The following EYA1 variants were observed in gnomAD, a reference collection of about 807,000 sequenced individuals.
The protein encoded by EYA1 is protein phosphatase EYA1.
EYA1 carries 16 observed loss-of-function variants against 82.0 expected under a neutral mutation model. The observed-to-expected ratio is 0.20, with a 90% CI of 0.13 to 0.30. EYA1 has a LOEUF of 0.30. Among genes scored for constraint, EYA1 ranks in the 10% least tolerant of loss-of-function variants. The pLI is 1.00. For synonymous variants in EYA1, 261 were observed against 264.4 expected (o/e 0.99, Z 0.12); for missense variants, 633 against 730.7 (o/e 0.87, Z 1.54).
At chr8:71,448,835 A>G (rs960597494) in intron 2 of EYA1, 2 of 167,726 alleles carry the variant, frequency 1.2e-5, no homozygotes, top group Non-Finnish European at 2.9e-5. Flanking sequence ...TTCCTAAGAA[A>G]CTGAACTTTT....
intron 9 of EYA1, among the ~76,000 whole-genome samples, chr8:71,283,014 T>G (rs1031456373): frequency 4.8e-5 from 7 of 146,934 alleles, no homozygotes; most frequent in Non-Finnish European, 7.4e-5. Context: ...GTGTAAGAAA[T>G]CATGCCATGC....
At chr8:71,258,044 T>C (rs1008240630) in intron 11 of EYA1, among the ~76,000 whole-genome samples, 1 of 152,174 alleles carries the variant, frequency 6.6e-6, no homozygotes, top group Non-Finnish European at 1.5e-5. Context: ...GTTATTTCTT[T>C]GGAGATTCTG....
intron 11 of EYA1, among the ~76,000 whole-genome samples, chr8:71,249,203 C>T (rs931632694): frequency 6.6e-6 from 1 of 152,070 alleles, no homozygotes; most frequent in Admixed American, 6.5e-5. Flanking sequence ...TCTATGACAG[C>T]AATCTTTTAT....
chr8:71,252,389 C>G (rs186078379), intron 11 of EYA1, among the ~76,000 whole-genome samples: 1 of 152,014 alleles, frequency 6.6e-6, no homozygotes, highest in Non-Finnish European at 1.5e-5. Context: ...CTAACACACT[C>G]AATCTCTGCA....
intron 17 of EYA1, among the ~76,000 whole-genome samples, chr8:71,201,904 A>G (rs1044216052): frequency 4.6e-5 from 7 of 152,074 alleles, no homozygotes; most frequent in African/African-American, 1.7e-4. Context: ...CCCTTCCTCA[A>G]AGTTTCTTGT....
chr8:71,485,154 A>G (rs1810466603), intron 2 of EYA1, among the ~76,000 whole-genome samples: 1 of 152,244 alleles, frequency 6.6e-6, no homozygotes, highest in Non-Finnish European at 1.5e-5. Flanking sequence ...ATAAAAGTAG[A>G]TAGGAAAATG....
intron 12 of EYA1, among the ~76,000 whole-genome samples, chr8:71,219,651 T>C (rs770386616): frequency 6.6e-6 from 1 of 152,244 alleles, no homozygotes; most frequent in Non-Finnish European, 1.5e-5. Context: ...GGAGAAACTA[T>C]AATATTGCTA....
At chr8:71,266,390 T>C (rs1815816628) in intron 11 of EYA1, among the ~76,000 whole-genome samples, 1 of 152,108 alleles carries the variant, frequency 6.6e-6, no homozygotes, top group Non-Finnish European at 1.5e-5. Context: ...GAATCCTTGT[T>C]GAATCACATT....
At chr8:71,506,126 T>C (rs1290285178) in intron 2 of EYA1, among the ~76,000 whole-genome samples, 1 of 152,172 alleles carries the variant, frequency 6.6e-6, no homozygotes, top group Non-Finnish European at 1.5e-5. Context: ...GTCTTGGGTA[T>C]TTCTTTATAG....
intron 2 of EYA1, among the ~76,000 whole-genome samples, chr8:71,375,451 A>T (rs1828320670): frequency 6.6e-6 from 1 of 152,126 alleles, no homozygotes; most frequent in Non-Finnish European, 1.5e-5. Flanking sequence ...TGGGAGTGAG[A>T]TGAAAGAAAC....
chr8:71,269,131 A>G (rs967387763), intron 11 of EYA1, among the ~76,000 whole-genome samples: 2 of 152,218 alleles, frequency 1.3e-5, no homozygotes, highest in African/African-American at 2.4e-5. Context: ...AATGTACAAC[A>G]TGGAAACCAA....
intron 2 of EYA1, among the ~76,000 whole-genome samples, chr8:71,370,418 C>T (rs1199041823): frequency 6.7e-6 from 1 of 149,160 alleles, no homozygotes; most frequent in African/African-American, 2.5e-5. Context: ...AAAAAGTAAA[C>T]AAGGCAGACA....
chr8:71,246,281 T>C (rs1042377190), intron 11 of EYA1, among the ~76,000 whole-genome samples: 2 of 152,208 alleles, frequency 1.3e-5, no homozygotes, highest in Non-Finnish European at 2.9e-5. Flanking sequence ...GGAATCTCCT[T>C]GCATCATTAT....
chr8:71,462,758 G>T (rs1012504173), intron 2 of EYA1, among the ~76,000 whole-genome samples: 4 of 152,180 alleles, frequency 2.6e-5, no homozygotes, highest in African/African-American at 9.6e-5. Flanking sequence ...CAGGCCTAGG[G>T]GCAGGTCCTG....
upstream of EYA1, among the ~76,000 whole-genome samples, chr8:71,363,583 T>A (rs779533703): frequency 6.6e-6 from 1 of 152,166 alleles, no homozygotes; most frequent in Non-Finnish European, 1.5e-5. Flanking sequence ...AGAAATAGAA[T>A]TATGTTACCA....
intron 4 of EYA1, chr8:71,322,485 T>C (rs1822686921): frequency 1.6e-5 from 9 of 561,318 alleles, no homozygotes; most frequent in Non-Finnish European, 2.9e-5. Flanking sequence ...GGGCTCTAGT[T>C]TTAAATGAAC....
rs566270587 is a variant in EYA1 at position 71,397,384 on chromosome 8, C to A, written c.34-40873G>T. ...AGTTGATGCAGTTTCTTCCTAGCAT[C>A]GATGGTCTTTACAATTTGGCATGTT... is the stretch of plus-strand genomic sequence containing the variant. On this transcript the variant is annotated intron_variant, in intron 2 of 18. Transcript: ENST00000643681. 2.6e-5 allele frequency among the ~76,000 whole-genome samples: 4 copies of A among 152,288 alleles called. No homozygotes were observed. The South Asian group carries it at 8.3e-4, about 32-fold the overall frequency.
At chr8:71,342,464 T>C (rs1001746049) in intron 3 of EYA1, among the ~76,000 whole-genome samples, 1 of 152,128 alleles carries the variant, frequency 6.6e-6, no homozygotes, top group Non-Finnish European at 1.5e-5. Context: ...TTCCATCTCC[T>C]CCTTGAAGCT....
intron 2 of EYA1, among the ~76,000 whole-genome samples, chr8:71,494,513 A>C (rs1811268448): frequency 6.6e-6 from 1 of 152,214 alleles, no homozygotes; most frequent in Admixed American, 6.5e-5. Flanking sequence ...TCAGCAATGT[A>C]CACTCTAGCA....
Sources: allele counts gnomAD v4.1 joint callset (sites outside exome capture counted in the v4.1 genomes callset), GRCh38; gene constraint gnomAD v4.1.1; transcripts MANE v1.5; gene names NCBI Gene and HGNC (gene_info 2026-07-23, HGNC 2026-07-21).